ADGRB3: variants seen among roughly 807,000 people sequenced by gnomAD.
The protein encoded by ADGRB3 is brain-specific angiogenesis inhibitor 3.
In ADGRB3, 37 loss-of-function variants were observed where a neutral mutation model predicts 193.4. That is an observed-to-expected ratio of 0.19 (90% CI 0.15 to 0.25). The LOEUF (loss-of-function observed/expected upper bound fraction) is 0.25. Among genes scored for constraint, ADGRB3 ranks in the 10% least tolerant of loss-of-function variants. The pLI is 1.00. For synonymous variants in ADGRB3, 690 were observed against 644.2 expected (o/e 1.07, Z -1.08); for missense variants, 1,637 against 1,852.9 (o/e 0.88, Z 2.14).
At chr6:69,174,285 T>C (rs1654757036) in intron 17 of ADGRB3, among the ~76,000 whole-genome samples, 1 of 152,142 alleles carries the variant, frequency 6.6e-6, no homozygotes, top group Non-Finnish European at 1.5e-5. Flanking sequence ...CCCCATTGTC[T>C]ATTATTGCCA....
At chr6:68,681,013 T>C (rs917752556) in intron 3 of ADGRB3, among the ~76,000 whole-genome samples, 1 of 152,126 alleles carries the variant, frequency 6.6e-6, no homozygotes, top group Admixed American at 6.5e-5. Context: ...AGAAGCATGA[T>C]ATAAGTATCT....
At chr6:69,307,622 C>G (rs71557616) in intron 20 of ADGRB3, among the ~76,000 whole-genome samples, 2 of 151,474 alleles carry the variant, frequency 1.3e-5, no homozygotes, top group Admixed American at 6.6e-5. Flanking sequence ...TTTCAAATAT[C>G]TCTTCTTCTT....
chr6:69,327,587 A>G (rs571023834), intron 21 of ADGRB3, among the ~76,000 whole-genome samples: 1 of 152,316 alleles, frequency 6.6e-6, no homozygotes, highest in East Asian at 1.9e-4. Flanking sequence ...CCCGTGTCAA[A>G]TGTGGTGGTA....
In ADGRB3 at chr6:69,366,545, A is replaced by G. The variant is rs993017205; in HGVS notation, c.4239+5033A>G. 3.3e-5 allele frequency among the ~76,000 whole-genome samples: 5 copies of G among 152,142 alleles called. No homozygotes were observed. In the East Asian group the frequency reaches 9.7e-4, roughly 29 times the overall value. On this transcript the variant is annotated intron_variant, in intron 29 of 31. Transcript: ENST00000370598. ...TGTGGAGAAATGCCTCTATGCATACATTCACTAAGTATTCCTTTGAGTAGC... is the reference window on the plus strand; with the variant it reads ...TGTGGAGAAATGCCTCTATGCATACGTTCACTAAGTATTCCTTTGAGTAGC...
chr6:68,974,903 C>G (rs774218380), intron 9 of ADGRB3, 39 bp downstream of exon 9: 1 of 1,531,146 alleles, frequency 6.5e-7, no homozygotes, highest in South Asian at 1.1e-5. Flanking sequence ...AGTGATAATC[C>G]CCATCCAAGA....
At chr6:68,851,578 G>T (rs943760420) in intron 3 of ADGRB3, among the ~76,000 whole-genome samples, 1 of 151,754 alleles carries the variant, frequency 6.6e-6, no homozygotes, top group Admixed American at 6.6e-5. Flanking sequence ...AATAGAGAGA[G>T]ATTTGTTAAA....
intron 17 of ADGRB3, among the ~76,000 whole-genome samples, chr6:69,125,579 G>C (rs1004187152): frequency 6.6e-6 from 1 of 152,112 alleles, no homozygotes; most frequent in African/African-American, 2.4e-5. Context: ...ACAAGACGCT[G>C]AATCTGCTGT....
At chr6:69,161,257 C>T (rs186378684) in intron 17 of ADGRB3, among the ~76,000 whole-genome samples, 9 of 152,078 alleles carry the variant, frequency 5.9e-5, no homozygotes, top group Non-Finnish European at 8.8e-5. Context: ...TTGGGCAGCT[C>T]ATAAGACAGT....
intron 17 of ADGRB3, among the ~76,000 whole-genome samples, chr6:69,080,024 T>C (rs987295034): frequency 5.3e-5 from 8 of 152,080 alleles, no homozygotes; most frequent in Admixed American, 2.6e-4. Context: ...TGGCTTGTTT[T>C]CTCTCAAAGT....
At chr6:68,804,728 G>C (rs1582215667) in intron 3 of ADGRB3, among the ~76,000 whole-genome samples, 1 of 151,994 alleles carries the variant, frequency 6.6e-6, no homozygotes. Context: ...GGAGAAAAAT[G>C]TAGACTTTTC....
intron 3 of ADGRB3, among the ~76,000 whole-genome samples, chr6:68,882,695 A>C (rs1477290418): frequency 6.6e-6 from 1 of 152,046 alleles, no homozygotes; most frequent in African/African-American, 2.4e-5. Context: ...ACTGATACCA[A>C]TTATTTCAGG....
chr6:68,780,647 A>G (rs1766835171), intron 3 of ADGRB3, among the ~76,000 whole-genome samples: 4 of 152,116 alleles, frequency 2.6e-5, no homozygotes, highest in African/African-American at 7.2e-5. Context: ...TTGTACTTCA[A>G]CTTCTTAATA....
intron 3 of ADGRB3, among the ~76,000 whole-genome samples, chr6:68,663,657 T>C (rs939837433): frequency 2.0e-5 from 3 of 151,792 alleles, no homozygotes; most frequent in Non-Finnish European, 2.9e-5. Flanking sequence ...TTAGGAGCCA[T>C]GAATAGAAAC....
At chr6:69,344,517 T>C (rs1328941758) in intron 26 of ADGRB3, among the ~76,000 whole-genome samples, 1 of 152,218 alleles carries the variant, frequency 6.6e-6, no homozygotes, top group African/African-American at 2.4e-5. Context: ...CTTACCTGTC[T>C]AATCTAAAAC....
At chr6:68,648,902 C>T (rs1025963810) in intron 3 of ADGRB3, among the ~76,000 whole-genome samples, 5 of 151,634 alleles carry the variant, frequency 3.3e-5, no homozygotes, top group African/African-American at 9.7e-5. Flanking sequence ...AAATAAAGAA[C>T]TAAAGCATTT....
At chr6:69,185,421 G>A (rs971564545) in intron 17 of ADGRB3, among the ~76,000 whole-genome samples, 1 of 152,120 alleles carries the variant, frequency 6.6e-6, no homozygotes, top group Admixed American at 6.6e-5. Context: ...AAAGAAAAAT[G>A]ACTGTGTAAC....
chr6:69,374,944 C>T (rs891640273), intron 30 of ADGRB3, among the ~76,000 whole-genome samples: 1 of 151,940 alleles, frequency 6.6e-6, no homozygotes, highest in African/African-American at 2.4e-5. Context: ...TCAAAGATAT[C>T]CACATTAGAT....
At chr6:68,860,193 C>A (rs919997503) in intron 3 of ADGRB3, among the ~76,000 whole-genome samples, 2 of 152,022 alleles carry the variant, frequency 1.3e-5, no homozygotes, top group Non-Finnish European at 2.9e-5. Context: ...AAGCCTCACA[C>A]AGATATATAT....
rs773961512 is a variant in ADGRB3, at chr6:68,683,888, G to A, written c.757+44456G>A. On this transcript the variant is annotated intron_variant, in intron 3 of 31. Transcript: ENST00000370598. Reference sequence around the variant, plus strand: ...AAGCAGATACTTAAGTGGATAAACAGTGACAGATGTAAGTGCATAGGACTA... The same window carrying A: ...AAGCAGATACTTAAGTGGATAAACAATGACAGATGTAAGTGCATAGGACTA... Among the ~76,000 whole-genome samples the A allele has an allele frequency of 5.9e-5, 9 of 152,120 alleles. 1 individual carries two copies. Among genetic ancestry groups the A allele is most frequent in the Non-Finnish European group, 1.2e-4 (8 of 68,024 alleles).
Sources: gnomAD v4.1 joint callset for allele counts (sites outside exome capture counted in the v4.1 genomes callset) on GRCh38, gnomAD v4.1.1 for gene constraint, MANE v1.5 for transcripts, NCBI Gene and HGNC (gene_info 2026-07-23, HGNC 2026-07-21) for gene names.